FERMT3: variants seen among roughly 807,000 people sequenced by gnomAD.
FERMT3 encodes FERM domain containing kindlin 3, also known as fermitin family homolog 3.
In FERMT3, 33 loss-of-function variants were observed where a neutral mutation model predicts 80.8. That is an observed-to-expected ratio of 0.41 (90% CI 0.31 to 0.55). The LOEUF is 0.55. FERMT3 is among the 20% of genes least tolerant of loss of function. The pLI is 0.31. For missense variants in FERMT3, 754 were observed against 908.7 expected (o/e 0.83, Z 2.19); for synonymous variants, 375 against 372.2 (o/e 1.01, Z -0.09).
rs1488238644 is a variant in FERMT3, at chr11:64,219,362, C to T, written c.894+4C>T. Reference sequence around the variant, plus strand: ...GATGGTGTTTGCCGCCCTGCAGGTACCAGGCGGGCCTGGGGGCACCAGGGC... The same window carrying T: ...GATGGTGTTTGCCGCCCTGCAGGTATCAGGCGGGCCTGGGGGCACCAGGGC... On this transcript the variant is annotated splice_donor_region_variant and intron_variant, in intron 7 of 14. Coordinates refer to ENST00000345728, the MANE Select transcript of FERMT3 (RefSeq NM_031471.6). This position sits in a 1 kb window ranked among gnomAD's most constrained non-coding sequence, Gnocchi z 4.0. 1 of 1,590,540 alleles carries T rather than the reference C, an allele frequency of 6.3e-7. No individual in the cohort carries two copies. The highest frequency in any genetic ancestry group is 8.6e-7 in the Non-Finnish European group (1 of 1,169,106).
chr11:64,214,566 C>T (rs1396590728), intron 6 of FERMT3, among the ~76,000 whole-genome samples: 1 of 152,032 alleles, frequency 6.6e-6, no homozygotes, highest in African/African-American at 2.4e-5. Flanking sequence ...AGGCTGGTCT[C>T]AAACTCCTGC....
rs200660798 is a variant in FERMT3 at position 64,220,588 on chromosome 11, C to T, written c.1464C>T (p.His488=). Residue 488 remains histidine (H), a synonymous_variant, in exon 12 of 15, where the codon CAC becomes CAT. Transcript: ENST00000345728. ...TGSGGPGNHP[H]GPDASAEGLN... ...GTGGGGGCCCGGGCAACCACCCCCA[C>T]GGCCCTGATGCCTCTGCCGAGGGCC... 69 of 1,609,542 alleles carry T rather than the reference C, an allele frequency of 4.3e-5. No homozygotes were observed. The highest frequency in any genetic ancestry group is 3.0e-4 in the Admixed American group (18 of 59,578).
chr11:64,220,172 C>T (rs375589231), intron 10 of FERMT3, 48 bp from the exon 11 acceptor site: 31 of 1,586,052 alleles, frequency 2.0e-5, no homozygotes, highest in Admixed American at 1.0e-4. Flanking sequence ...GGACCTCAGG[C>T]GGCTCTTCCC....
At chr11:64,213,425 A>AT (rs1946484671) in intron 6 of FERMT3, among the ~76,000 whole-genome samples, 1 of 145,406 alleles carries the variant, frequency 6.9e-6, no homozygotes, top group Non-Finnish European at 1.5e-5. Context: ...ATAGGAGTGT[A>AT]TTTTTTTAGT....
At chr11:64,217,938 C>G (rs985215796) in intron 6 of FERMT3, among the ~76,000 whole-genome samples, 1 of 151,754 alleles carries the variant, frequency 6.6e-6, no homozygotes, top group African/African-American at 2.4e-5. Flanking sequence ...CCCTAGCGCT[C>G]TCTGCATAAC....
intron 12 of FERMT3, 118 bp from the exon 13 acceptor site, chr11:64,220,898 C>T (rs1229056628): frequency 1.4e-5 from 22 of 1,543,322 alleles, no homozygotes; most frequent in South Asian, 7.2e-5. Context: ...GGCGGCCCCA[C>T]GTGGGCACTG....
chr11:64,220,021 T>A lies in FERMT3; in HGVS notation c.1204+6T>A. The stretch of plus-strand genomic sequence containing the variant: ...TCAGCAGCTCAACCTCAAGGGTAAG[T>A]GCACAGGGCCAGGGGCTGGGTGGGG... On this transcript the variant is annotated splice_donor_region_variant and intron_variant, in intron 10 of 14. Coordinates refer to ENST00000345728, the MANE Select transcript of FERMT3 (RefSeq NM_031471.6). 1 of 1,612,548 alleles carries A rather than the reference T, an allele frequency of 6.2e-7. No individual in the cohort carries two copies.
At position 64,219,488 on chromosome 11, in the gene FERMT3, C is replaced by CTGGACTCAGCCCTCCCT; in HGVS notation, c.895-35_895-19dup. On this transcript the variant is annotated intron_variant, in intron 7 of 14. Coordinates refer to ENST00000345728, the MANE Select transcript of FERMT3 (RefSeq NM_031471.6). This position sits in a 1 kb window ranked among gnomAD's most constrained non-coding sequence, Gnocchi z 4.0. ...GGGGTACTGCTAGGGGACCAGGCTGCTGGACTCAGCCCTCCCTGGCTTCAT... is the reference window on the plus strand; with the variant it reads ...GGGGTACTGCTAGGGGACCAGGCTGCTGGACTCAGCCCTCCCTTGGACTCAGCCCTCCCTGGCTTCAT... 1 of 1,576,174 alleles carries CTGGACTCAGCCCTCCCT rather than the reference C, an allele frequency of 6.3e-7. No individual in the cohort carries two copies. The highest frequency in any genetic ancestry group is 1.3e-5 in the African/African-American group (1 of 74,224).
intron 1 of FERMT3, 147 bp from the exon 2 acceptor site, chr11:64,207,204 C>A (rs1436696555): frequency 3.5e-6 from 3 of 850,654 alleles, no homozygotes; most frequent in Admixed American, 2.4e-5. Context: ...GAGGGTACCA[C>A]GGGCGTGCTG....
intron 6 of FERMT3, among the ~76,000 whole-genome samples, chr11:64,216,840 T>C (rs1466107241): frequency 6.7e-6 from 1 of 148,828 alleles, no homozygotes; most frequent in African/African-American, 2.5e-5. Context: ...CATGCCCAGC[T>C]AATTTTTGTA....
chr11:64,223,852 A>T lies in FERMT3; in HGVS notation c.*360A>T, dbSNP rs144815399. 513 of 1,480,108 alleles carry T rather than the reference A, an allele frequency of 3.5e-4. 2 individuals carry two copies. The African/African-American group carries it at 6.5e-3, about 19-fold the overall frequency. The allele number at this position is 1,480,108 out of a possible 1,614,324, so 91.7% of individuals were successfully genotyped here. ...GAGTTCTTTCTTGTTACTTTTTAAA[A>T]TTTCTTTTTTATAAATTAATATTTT... On this transcript the variant is annotated 3_prime_UTR_variant, in exon 15 of 15. Coordinates refer to ENST00000345728, the MANE Select transcript of FERMT3 (RefSeq NM_031471.6).
At position 64,211,307 on chromosome 11, in the gene FERMT3, G is replaced by A; in HGVS notation, c.547G>A (p.Ala183Thr). The stretch of plus-strand genomic sequence containing the variant: ...ACCTGCACTGTTCCGGGGGATGCCA[G>A]CTCACTTCTCGGACAGCGCCCAGAC... ...VAPALFRGMP[A>T]HFSDSAQTEA... Residue 183 changes from alanine to threonine, a missense_variant, in exon 5 of 15, where the codon GCT (alanine) becomes ACT (threonine). By Grantham distance (58) the Ala-to-Thr change is moderately conservative (BLOSUM62 0). Transcript: ENST00000345728. The surrounding 1 kb of genome is among the most constrained non-coding windows in gnomAD (Gnocchi z 4.7). 1 of 1,613,406 alleles carries A rather than the reference G, an allele frequency of 6.2e-7. No individual in the cohort carries two copies. The highest frequency in any genetic ancestry group is 1.1e-5 in the South Asian group (1 of 91,062).
Position 64,219,243 on chromosome 11 carries a change from C to G in FERMT3, c.787-8C>G, listed in dbSNP as rs202116077. 56 of 1,578,510 alleles carry G rather than the reference C, an allele frequency of 3.5e-5. No individual in the cohort carries two copies. Among genetic ancestry groups the G allele is most frequent in the South Asian group, 1.4e-4 (12 of 86,448 alleles). On this transcript the variant is annotated splice_region_variant and splice_polypyrimidine_tract_variant and intron_variant, in intron 6 of 14. Coordinates refer to ENST00000345728, the MANE Select transcript of FERMT3 (RefSeq NM_031471.6). This position sits in a 1 kb window ranked among gnomAD's most constrained non-coding sequence, Gnocchi z 4.0. ...CCCAGCCTCCAGCCTCCTCTCCCCC[C>G]GCTCCAGACAGACCCCGTGCGGCTG...
Position 64,221,068 on chromosome 11 carries a change from C to T in FERMT3, c.1598C>T (p.Ala533Val). 1 of 1,612,612 alleles carries T rather than the reference C, an allele frequency of 6.2e-7. No homozygotes were observed. The highest frequency in any genetic ancestry group is 1.1e-5 in the South Asian group (1 of 91,092). ...CAGAATGTGGCCCAGTTGTCGCTGGCAGAGGCCCAGCTGCGCTTCATCCAG... is the reference window on the plus strand; with the variant it reads ...CAGAATGTGGCCCAGTTGTCGCTGGTAGAGGCCCAGCTGCGCTTCATCCAG... ...AHQNVAQLSL[A>V]EAQLRFIQAW... The change falls in exon 13 of 15, where the codon GCA becomes GTA. Residue 533 changes from alanine (A) to valine (V), a missense_variant. Transcript: ENST00000345728.
At chr11:64,214,437 C>G (rs1234803160) in intron 6 of FERMT3, among the ~76,000 whole-genome samples, 1 of 152,058 alleles carries the variant, frequency 6.6e-6, no homozygotes, top group Admixed American at 6.5e-5. Context: ...CCTCCGCCTC[C>G]CGGATTCAAG....
intron 6 of FERMT3, among the ~76,000 whole-genome samples, chr11:64,217,367 T>C (rs1189211368): frequency 1.3e-5 from 2 of 152,144 alleles, no homozygotes; most frequent in African/African-American, 2.4e-5. Context: ...CTGATCAACA[T>C]GGAGAAAGCC....
intron 6 of FERMT3, among the ~76,000 whole-genome samples, chr11:64,214,674 C>T (rs1946514506): frequency 6.6e-6 from 1 of 151,706 alleles, no homozygotes; most frequent in East Asian, 1.9e-4. Context: ...TTTTTCGGTT[C>T]TTTTTCTTTC....
At chr11:64,220,406 A>G (rs371933863) in intron 11 of FERMT3, 30 bp from the exon 12 acceptor site, 17 of 1,609,512 alleles carry the variant, frequency 1.1e-5, no homozygotes, top group Non-Finnish European at 1.4e-5. Context: ...AAGCTTGGTT[A>G]GCACTGTCCC....
Position 64,223,629 on chromosome 11 carries a change from G to A in FERMT3, c.*137G>A, listed in dbSNP as rs1416585320. ...CATTTCACCTGCTGTCACTGACTTTGTGCAGGCCAAGGACCTGGCAGGGCC... is the reference window on the plus strand; with the variant it reads ...CATTTCACCTGCTGTCACTGACTTTATGCAGGCCAAGGACCTGGCAGGGCC... On this transcript the variant is annotated 3_prime_UTR_variant, in exon 15 of 15. Coordinates refer to ENST00000345728, the MANE Select transcript of FERMT3 (RefSeq NM_031471.6). 2.7e-6 allele frequency: 3 copies of A among 1,129,422 alleles called. No individual in the cohort carries two copies. The African/African-American group carries it at 4.6e-5, about 17-fold the overall frequency. 70.0% of individuals were successfully genotyped at this position (1,129,422 alleles called of 1,614,324 possible).
Sources: gnomAD v4.1 joint callset for allele counts (sites outside exome capture counted in the v4.1 genomes callset) on GRCh38, gnomAD v4.1.1 for gene constraint, Gnocchi (gnomAD v3.1) non-coding constraint, MANE v1.5 for transcripts, NCBI Gene and HGNC (gene_info 2026-07-23, HGNC 2026-07-21) for gene names.